The following SMYD3 variants were observed in gnomAD, a reference collection of about 807,000 sequenced individuals.
SMYD3 encodes SET and MYND domain containing 3, also known as histone-lysine N-methyltransferase SMYD3.
In SMYD3, 36 loss-of-function variants were observed where a neutral mutation model predicts 57.7. The observed-to-expected ratio is 0.62, with a 90% CI of 0.48 to 0.82. SMYD3 has a LOEUF of 0.82. SMYD3 is among the 40% of genes least tolerant of loss of function. The pLI, the probability that SMYD3 is intolerant of heterozygous loss-of-function variation, is 0.00. For missense variants in SMYD3, 515 were observed against 538.8 expected, an observed-to-expected ratio of 0.96 and a Z score of 0.44; for synonymous variants, 211 against 195.0, an observed-to-expected ratio of 1.08 and a Z score of -0.68.
intron 8 of SMYD3, among the ~76,000 whole-genome samples, chr1:245,907,716 A>G (rs1250790040): frequency 1.3e-5 from 2 of 152,218 alleles, no homozygotes; most frequent in Non-Finnish European, 2.9e-5. Flanking sequence ...ATAAATAACC[A>G]TAACTGTAAA....
At chr1:246,028,097 G>C (rs1293427009) in intron 5 of SMYD3, among the ~76,000 whole-genome samples, 2 of 152,124 alleles carry the variant, frequency 1.3e-5, no homozygotes, top group Non-Finnish European at 2.9e-5. Flanking sequence ...ATTAGAGACT[G>C]TTACGAACAA....
intron 10 of SMYD3, among the ~76,000 whole-genome samples, chr1:245,788,468 G>A (rs1022750234): frequency 1.3e-5 from 2 of 152,182 alleles, no homozygotes; most frequent in African/African-American, 4.8e-5. Context: ...TTAAAGGAGT[G>A]GGGGATGCTT....
At chr1:245,972,659 CAACT>C (rs1337190748) in intron 5 of SMYD3, among the ~76,000 whole-genome samples, 1 of 152,236 alleles carries the variant, frequency 6.6e-6, no homozygotes, top group Non-Finnish European at 1.5e-5. Context: ...AAGTTCGCTC[CAACT>C]GAGTGGAAGT....
chr1:246,472,213 A>G (rs1169443169), intron 1 of SMYD3, among the ~76,000 whole-genome samples: 1 of 152,170 alleles, frequency 6.6e-6, no homozygotes, highest in Non-Finnish European at 1.5e-5. Flanking sequence ...AGAACGTGCC[A>G]TAGGTAATTA....
intron 5 of SMYD3, among the ~76,000 whole-genome samples, chr1:246,197,519 G>A (rs781051660): frequency 2.0e-5 from 3 of 151,952 alleles, no homozygotes; most frequent in Non-Finnish European, 4.4e-5. Flanking sequence ...TTCTTTCCAC[G>A]TAAGGTACGT....
intron 5 of SMYD3, chr1:246,034,747 G>A (rs767085166): frequency 1.2e-4 from 18 of 152,610 alleles, no homozygotes; most frequent in Non-Finnish European, 2.5e-4. Context: ...GTCGGACTGC[G>A]TGAAGAACTG....
chr1:246,087,631 CTTTAG>C (rs1475939333), intron 5 of SMYD3, among the ~76,000 whole-genome samples: 1 of 152,204 alleles, frequency 6.6e-6, no homozygotes, highest in African/African-American at 2.4e-5. Flanking sequence ...GTCCAAAACA[CTTTAG>C]CCTACCAACA....
intron 1 of SMYD3, among the ~76,000 whole-genome samples, chr1:246,439,654 T>C (rs2067433635): frequency 6.6e-6 from 1 of 151,560 alleles, no homozygotes; most frequent in Non-Finnish European, 1.5e-5. Flanking sequence ...AAGACAGTTG[T>C]ATATTCTCAC....
intron 5 of SMYD3, among the ~76,000 whole-genome samples, chr1:246,104,306 A>G (rs1441285514): frequency 6.6e-6 from 1 of 152,242 alleles, no homozygotes; most frequent in Admixed American, 6.5e-5. Flanking sequence ...AAACATAAAT[A>G]TGTCCAAAAT....
chr1:246,491,748 C>A (rs765145652), intron 1 of SMYD3, among the ~76,000 whole-genome samples: 4 of 152,142 alleles, frequency 2.6e-5, no homozygotes, highest in African/African-American at 7.2e-5. Flanking sequence ...CAGGAACTGA[C>A]CGATACTATC....
intron 5 of SMYD3, among the ~76,000 whole-genome samples, chr1:246,102,841 T>A (rs1053565109): frequency 6.6e-6 from 1 of 152,110 alleles, no homozygotes; most frequent in African/African-American, 2.4e-5. Context: ...GCTATGATCA[T>A]ACAAGTGCAC....
chr1:246,491,815 C>T (rs2068276224), intron 1 of SMYD3, among the ~76,000 whole-genome samples: 5 of 152,186 alleles, frequency 3.3e-5, no homozygotes, highest in Admixed American at 1.3e-4. Flanking sequence ...CACTGGTGTC[C>T]TTCTGTTGAA....
At chr1:245,985,046 G>A (rs1000765186) in intron 5 of SMYD3, among the ~76,000 whole-genome samples, 3 of 151,858 alleles carry the variant, frequency 2.0e-5, no homozygotes, top group Non-Finnish European at 2.9e-5. Context: ...ACCTACCATC[G>A]CTCACCTGAC....
rs1324885599 is a variant in SMYD3 at position 245,863,821 on chromosome 1, A to T, written c.879T>A (p.Ile293=). ...WKEVQESLKK[I]EELKAHWKWE... Reference sequence around the variant, plus strand: ...TACTCCAGTGTGCCTTCAGTTCTTCAATTTTTTTCAGGGATTCTTGAACTT... The same window carrying T: ...TACTCCAGTGTGCCTTCAGTTCTTCTATTTTTTTCAGGGATTCTTGAACTT... Residue 293 remains isoleucine (I), a synonymous_variant, in exon 9 of 12, where the codon ATT becomes ATA. Transcript: ENST00000490107. The T allele has an allele frequency of 6.2e-7, 1 of 1,614,114 alleles. No homozygotes were observed. The highest frequency in any genetic ancestry group is 1.1e-5 in the South Asian group (1 of 91,080).
intron 5 of SMYD3, among the ~76,000 whole-genome samples, chr1:246,026,737 T>C (rs2059581376): frequency 6.6e-6 from 1 of 152,146 alleles, no homozygotes; most frequent in African/African-American, 2.4e-5. Context: ...CAGGCCTCCA[T>C]ATCCCTGAGA....
intron 1 of SMYD3, among the ~76,000 whole-genome samples, chr1:246,462,800 T>C (rs996975931): frequency 6.6e-6 from 1 of 151,902 alleles, no homozygotes; most frequent in South Asian, 2.1e-4. Flanking sequence ...TAAGAAACAT[T>C]TTAGGTCGAA....
At chr1:246,343,020 G>A (rs1377004045) in intron 2 of SMYD3, among the ~76,000 whole-genome samples, 1 of 152,154 alleles carries the variant, frequency 6.6e-6, no homozygotes, top group Non-Finnish European at 1.5e-5. Flanking sequence ...GTACATTACA[G>A]GGATAGAGCC....
At chr1:246,468,795 G>A (rs2067918439) in intron 1 of SMYD3, among the ~76,000 whole-genome samples, 1 of 152,124 alleles carries the variant, frequency 6.6e-6, no homozygotes, top group South Asian at 2.1e-4. Flanking sequence ...AGACAACAAA[G>A]CAAGACATTA....
intron 2 of SMYD3, among the ~76,000 whole-genome samples, chr1:246,348,370 C>T (rs1016640531): frequency 2.0e-5 from 3 of 151,742 alleles, no homozygotes; most frequent in Non-Finnish European, 4.4e-5. Context: ...GAGCCTAGAT[C>T]GTGCCACTGC....
Sources: allele counts gnomAD v4.1 joint callset (sites outside exome capture counted in the v4.1 genomes callset), GRCh38; gene constraint gnomAD v4.1.1; transcripts MANE v1.5; gene names NCBI Gene and HGNC (gene_info 2026-07-23, HGNC 2026-07-21).